Variants in DDIT4L observed in about 807,000 individuals in gnomAD.
DDIT4L encodes the protein DNA damage inducible transcript 4 like.
DDIT4L carries 13 observed loss-of-function variants against 15.9 expected under a neutral mutation model. That is an observed-to-expected ratio of 0.82 (90% CI 0.53 to 1.30). The LOEUF (loss-of-function observed/expected upper bound fraction) is 1.30, where lower values mean the gene tolerates loss of function less well. DDIT4L is among the 50% of genes most tolerant of loss of function. DDIT4L has a pLI of 0.00. For synonymous variants in DDIT4L, 82 were observed against 85.4 expected, an observed-to-expected ratio of 0.96 and a Z score of 0.22; for missense variants, 235 against 224.8, an observed-to-expected ratio of 1.05 and a Z score of -0.29.
At chr4:100,189,315 A>C (rs1187943333) in intron 2 of DDIT4L, among the ~76,000 whole-genome samples, 1 of 152,192 alleles carries the variant, frequency 6.6e-6, no homozygotes, top group Non-Finnish European at 1.5e-5. Context: ...AATAATGGAT[A>C]TATCCACGAC....
In DDIT4L at chr4:100,187,749, G is replaced by A; in HGVS notation, c.510C>T (p.Leu170=). The change falls in exon 3 of 3, where the codon CTC becomes CTT. Residue 170 remains leucine (L), a synonymous_variant. Transcript: ENST00000273990. The part of the protein sequence containing the change: ...FSSGFRRTLI[L]SSGFRLVKKK... Reference sequence around the variant, plus strand: ...TCTTAACAAGTCGAAATCCTGAGCTGAGGATCAGAGTTCTCCTGAAACCAG... The same window carrying A: ...TCTTAACAAGTCGAAATCCTGAGCTAAGGATCAGAGTTCTCCTGAAACCAG... 6.2e-7 allele frequency: 1 copy of A among 1,612,248 alleles called. No individual in the cohort carries two copies.
rs551168444 is a variant in DDIT4L at position 100,186,146 on chromosome 4, G to C, written c.*1531C>G. On this transcript the variant is annotated 3_prime_UTR_variant, in exon 3 of 3. Coordinates refer to ENST00000273990, the MANE Select transcript of DDIT4L (RefSeq NM_145244.4). ...ATGCAAAACAACATAGATTTATCTT[G>C]GCCCAATTCTATAAAGATTGGCTTT... 1 of 152,294 alleles carries C rather than the reference G, an allele frequency of 6.6e-6. No individual in the cohort carries two copies. The highest frequency in any genetic ancestry group is 2.1e-4 in the South Asian group (1 of 4,824). The allele number at this position is 152,294 out of a possible 1,614,324, so 9.4% of individuals were successfully genotyped here.
chr4:100,189,612 C>T (rs1318003513), intron 2 of DDIT4L, among the ~76,000 whole-genome samples: 1 of 152,180 alleles, frequency 6.6e-6, no homozygotes, highest in African/African-American at 2.4e-5. Flanking sequence ...CTAAAACACA[C>T]ATAACTGTGT....
chr4:100,190,121 A>G, intron 1 of DDIT4L, 89 bp from the exon 2 acceptor site: 1 of 737,708 alleles, frequency 1.4e-6, no homozygotes, highest in Non-Finnish European at 2.3e-6. Flanking sequence ...CCGGGAGCGA[A>G]CTAGCGGAGG....
In DDIT4L at chr4:100,188,104, G is replaced by C. The variant is rs1468182441; in HGVS notation, c.155C>G (p.Ser52Ter). The C allele has an allele frequency of 5.0e-6, 8 of 1,613,678 alleles. No homozygotes were observed. Among genetic ancestry groups the C allele is most frequent in the Non-Finnish European group, 6.8e-6 (8 of 1,180,014 alleles). ...CATTTTAACCAAATTCTGGCAAGTT[G>C]ATTCCTCAAATATTACCTCGTTGAG... Reference protein sequence around the residue: ...PNLNEVIFEESTCQNLVKMLE... With the variant: ...PNLNEVIFEE Residue 52 changes from serine (S) to a stop codon, truncating the protein, a stop_gained, in exon 3 of 3, where the codon TCA (serine) becomes TGA (stop). Coordinates refer to ENST00000273990, the MANE Select transcript of DDIT4L (RefSeq NM_145244.4). LOFTEE classifies it high-confidence loss of function.
chr4:100,187,932 G>T lies in DDIT4L; in HGVS notation c.327C>A (p.His109Gln). Residue 109 changes from histidine (H) to glutamine (Q), a missense_variant, in exon 3 of 3, where the codon CAC becomes CAA. Coordinates refer to ENST00000273990, the MANE Select transcript of DDIT4L (RefSeq NM_145244.4). ...EPCGLRGCVMHVNLEIENVCK... is the reference protein window; with the variant it reads ...EPCGLRGCVMQVNLEIENVCK... ...ATACATTTTCAATTTCCAAGTTCACGTGCATAACACAACCTCGCAAGCCGC... is the reference window on the plus strand; with the variant it reads ...ATACATTTTCAATTTCCAAGTTCACTTGCATAACACAACCTCGCAAGCCGC... 1.2e-6 allele frequency: 2 copies of T among 1,614,012 alleles called. No homozygotes were observed. Among genetic ancestry groups the T allele is most frequent in the Non-Finnish European group, 1.7e-6 (2 of 1,180,020 alleles).
intron 2 of DDIT4L, among the ~76,000 whole-genome samples, chr4:100,189,501 A>T (rs142726356): frequency 5.7e-4 from 87 of 152,344 alleles, no homozygotes; most frequent in Non-Finnish European, 9.7e-4. Flanking sequence ...AAATCAGATC[A>T]GTAGTTCCCT....
chr4:100,189,686 G>C (rs1453575055), intron 2 of DDIT4L, among the ~76,000 whole-genome samples: 1 of 152,206 alleles, frequency 6.6e-6, no homozygotes, highest in Non-Finnish European at 1.5e-5. Flanking sequence ...AGACTAGAAA[G>C]ATGCAGCCCT....
rs369312562 is a variant in DDIT4L at position 100,187,956 on chromosome 4, G to A, written c.303C>T (p.Cys101=). ...CGTGCATAACACAACCTCGCAAGCC[G>A]CAGGGCTCCGTTGAGGAAAGCCGCA... ...DVLRLSSTEP[C]GLRGCVMHVN... The change falls in exon 3 of 3, where the codon TGC becomes TGT. Residue 101 remains cysteine (C), a synonymous_variant. Coordinates refer to ENST00000273990, the MANE Select transcript of DDIT4L (RefSeq NM_145244.4). The A allele has an allele frequency of 8.1e-6, 13 of 1,613,942 alleles. No individual in the cohort carries two copies. The highest frequency in any genetic ancestry group is 2.2e-5 in the East Asian group (1 of 44,898).
rs946959667 is a variant in DDIT4L at position 100,187,210 on chromosome 4, A to G, written c.*467T>C. The G allele has an allele frequency of 6.6e-6, 1 of 152,600 alleles. No homozygotes were observed. Among genetic ancestry groups the G allele is most frequent in the Non-Finnish European group, 1.5e-5 (1 of 68,358 alleles). 9.5% of individuals were successfully genotyped at this position (152,600 alleles called of 1,614,324 possible). Reference sequence around the variant, plus strand: ...AAAACCCTTCAAATTTGAGTCAGGAACTGGTGGTGTGGGCTTTTGGAAGTT... The same window carrying G: ...AAAACCCTTCAAATTTGAGTCAGGAGCTGGTGGTGTGGGCTTTTGGAAGTT... On this transcript the variant is annotated 3_prime_UTR_variant, in exon 3 of 3. Coordinates refer to ENST00000273990, the MANE Select transcript of DDIT4L (RefSeq NM_145244.4).
In DDIT4L at chr4:100,186,924, C is replaced by T. The variant is rs947012087; in HGVS notation, c.*753G>A. 1.3e-5 allele frequency: 2 copies of T among 152,138 alleles called. No individual in the cohort carries two copies. Among genetic ancestry groups the T allele is most frequent in the Non-Finnish European group, 2.9e-5 (2 of 68,018 alleles). 9.4% of individuals were successfully genotyped at this position (152,138 alleles called of 1,614,324 possible). On this transcript the variant is annotated 3_prime_UTR_variant, in exon 3 of 3. Transcript: ENST00000273990. ...TCAACTACACACAAAAATATCAGTT[C>T]AATATTTTGCATTTTTCTAGTTTAA... is the stretch of plus-strand genomic sequence containing the variant.
rs537616477 is a variant in DDIT4L at position 100,189,794 on chromosome 4, T to C, written c.91+99A>G. The C allele has an allele frequency of 9.9e-5, 109 of 1,096,486 alleles. 1 individual carries two copies. The South Asian group carries it at 1.4e-3, about 14-fold the overall frequency. 67.9% of individuals were successfully genotyped at this position (1,096,486 alleles called of 1,614,324 possible). A position where few individuals can be genotyped will look rare whatever the true frequency, so the allele number is the denominator to read the frequency against. ...CTCAGATGGATTTTGTGGCACCTCC[T>C]ACATAGAGGTAGGGGAGGAAGTCGA... is the stretch of plus-strand genomic sequence containing the variant. On this transcript the variant is annotated intron_variant, in intron 2 of 2. Coordinates refer to ENST00000273990, the MANE Select transcript of DDIT4L (RefSeq NM_145244.4).
In DDIT4L at chr4:100,187,804, T is replaced by A; in HGVS notation, c.455A>T (p.Asp152Val). 1.2e-6 allele frequency: 2 copies of A among 1,613,576 alleles called. No individual in the cohort carries two copies. The highest frequency in any genetic ancestry group is 2.7e-5 in the African/African-American group (2 of 74,970). ...GAAGCGACCTCTACTAAAGAAAAAGTCCCTGAAGCTAGTCCATGAGCAGTT... is the reference window on the plus strand; with the variant it reads ...GAAGCGACCTCTACTAAAGAAAAAGACCCTGAAGCTAGTCCATGAGCAGTT... ...QENCSWTSFR[D>V]FFFSRGRFSS... Residue 152 changes from aspartate (D) to valine (V), a missense_variant, in exon 3 of 3, where the codon GAC (aspartate) becomes GTC (valine). Transcript: ENST00000273990.
chr4:100,190,000 T>G lies in DDIT4L; in HGVS notation c.-17A>C. 1 of 1,613,286 alleles carries G rather than the reference T, an allele frequency of 6.2e-7. No individual in the cohort carries two copies. The highest frequency in any genetic ancestry group is 8.5e-7 in the Non-Finnish European group (1 of 1,179,398). ...TGCAACCATGGTCAACGGCTCTGTT[T>G]CCTTCGCGAGGCGCAACGGCCTTTC... On this transcript the variant is annotated 5_prime_UTR_variant, in exon 2 of 3. Transcript: ENST00000273990.
In DDIT4L at chr4:100,187,873, C is replaced by A; in HGVS notation, c.386G>T (p.Ser129Ile). 6 of 1,613,894 alleles carry A rather than the reference C, an allele frequency of 3.7e-6. No individual in the cohort carries two copies. Among genetic ancestry groups the A allele is most frequent in the Non-Finnish European group, 5.1e-6 (6 of 1,179,990 alleles). The change falls in exon 3 of 3, where the codon AGC becomes ATC. Residue 129 changes from serine to isoleucine, a missense_variant. By Grantham distance (142) the Ser-to-Ile change is moderately radical. Coordinates refer to ENST00000273990, the MANE Select transcript of DDIT4L (RefSeq NM_145244.4). ...KKLDRIVCDS[S>I]VVPTFELTLV... ...TGTAAGCTCAAAAGTAGGTACGACG[C>A]TAGAATCACACACAATCCTATCCAG...
At position 100,187,570 on chromosome 4, in the gene DDIT4L, G is replaced by T; in HGVS notation, c.*107C>A. On this transcript the variant is annotated 3_prime_UTR_variant, in exon 3 of 3. Transcript: ENST00000273990. ...CACAGAAAGAAAAGAGACTACATTT[G>T]GGGTTTCTTATTTAGGGCAGGTGGG... 2 of 1,210,066 alleles carry T rather than the reference G, an allele frequency of 1.7e-6. No homozygotes were observed. Among genetic ancestry groups the T allele is most frequent in the Non-Finnish European group, 2.2e-6 (2 of 892,204 alleles). The allele number at this position is 1,210,066 out of a possible 1,614,324, so 75.0% of individuals were successfully genotyped here. A position where few individuals can be genotyped will look rare whatever the true frequency, so the allele number is the denominator to read the frequency against.
chr4:100,189,316 T>C (rs1408125288), intron 2 of DDIT4L, among the ~76,000 whole-genome samples: 1 of 152,130 alleles, frequency 6.6e-6, no homozygotes, highest in African/African-American at 2.4e-5. Flanking sequence ...ATAATGGATA[T>C]ATCCACGACT....
At chr4:100,189,133 C>T (rs1444130290) in intron 2 of DDIT4L, among the ~76,000 whole-genome samples, 5 of 152,226 alleles carry the variant, frequency 3.3e-5, no homozygotes, top group African/African-American at 1.2e-4. Flanking sequence ...GGTCATCAAC[C>T]ACTTCACCTT....
intron 1 of DDIT4L, 59 bp from the exon 2 acceptor site, chr4:100,190,091 C>T: frequency 9.6e-7 from 1 of 1,045,252 alleles, no homozygotes; most frequent in Non-Finnish European, 1.4e-6. Context: ...CGTGCAGAGG[C>T]TCCTAAAATG....
Sources: gnomAD v4.1 joint callset for allele counts (sites outside exome capture counted in the v4.1 genomes callset) on GRCh38, gnomAD v4.1.1 for gene constraint, MANE v1.5 for transcripts, NCBI Gene and HGNC (gene_info 2026-07-23, HGNC 2026-07-21) for gene names.